Variants in SDCCAG8 observed in about 807,000 individuals in gnomAD.
SDCCAG8 encodes the protein SHH signaling and ciliogenesis regulator SDCCAG8, also known as serologically defined colon cancer antigen 8.
Under a neutral mutation model 101.8 loss-of-function variants are expected in SDCCAG8, and 74 were observed. The ratio of observed to expected loss-of-function variants is 0.73; its 90% CI spans 0.60 to 0.88. The LOEUF is 0.88. SDCCAG8 is among the 40% of genes least tolerant of loss of function. The pLI, the probability that SDCCAG8 is intolerant of heterozygous loss-of-function variation, is 0.00. For missense variants in SDCCAG8, 787 were observed against 822.6 expected (o/e 0.96, Z 0.53); for synonymous variants, 281 against 292.9 (o/e 0.96, Z 0.41).
chr1:243,331,387 A>G (rs1394901548), intron 10 of SDCCAG8, among the ~76,000 whole-genome samples: 1 of 152,124 alleles, frequency 6.6e-6, no homozygotes, highest in African/African-American at 2.4e-5. Flanking sequence ...TTAAAAGTGG[A>G]CTCACAGCTT....
At chr1:243,413,750 C>A (rs1184979536) in intron 13 of SDCCAG8, among the ~76,000 whole-genome samples, 1 of 152,104 alleles carries the variant, frequency 6.6e-6, no homozygotes, top group Non-Finnish European at 1.5e-5. Context: ...CTATCTCTGG[C>A]TCCTGCCCCG....
intron 13 of SDCCAG8, among the ~76,000 whole-genome samples, chr1:243,402,561 C>G (rs1401548616): frequency 6.6e-6 from 1 of 151,846 alleles, no homozygotes; most frequent in African/African-American, 2.4e-5. Context: ...GTCTTCACAC[C>G]CCTTTGTGTA....
At chr1:243,453,290 C>T (rs992384179) in intron 16 of SDCCAG8, among the ~76,000 whole-genome samples, 22 of 152,154 alleles carry the variant, frequency 1.4e-4, no homozygotes, top group Non-Finnish European at 2.6e-4. Flanking sequence ...GTAAATTACA[C>T]TCTTCTTGGT....
chr1:243,498,227 A>ACAAT (rs111264775), intron 17 of SDCCAG8, among the ~76,000 whole-genome samples: 8,792 of 152,208 alleles, frequency 0.058, 829 homozygotes, highest in African/African-American at 0.2. Context: ...CCTGCGTTTG[A>ACAAT]CAATCAGATC....
At chr1:243,373,938 G>A (rs2077447811) in intron 12 of SDCCAG8, among the ~76,000 whole-genome samples, 3 of 152,078 alleles carry the variant, frequency 2.0e-5, no homozygotes, top group Admixed American at 2.0e-4. Context: ...ATAATGGAAA[G>A]TCCAAATCAG....
At chr1:243,392,080 C>A in intron 13 of SDCCAG8, among the ~76,000 whole-genome samples, 1 of 152,212 alleles carries the variant, frequency 6.6e-6, no homozygotes, top group East Asian at 1.9e-4. Flanking sequence ...TGATTTCCTA[C>A]AGACCTTAAC....
Position 243,474,574 on chromosome 1 carries a change from C to T in SDCCAG8, c.1986-14440C>T, listed in dbSNP as rs982852725. Among the ~76,000 whole-genome samples, 3 of 152,210 alleles carry T rather than the reference C, an allele frequency of 2.0e-5. No individual in the cohort carries two copies. Among genetic ancestry groups the T allele is most frequent in the Non-Finnish European group, 4.4e-5 (3 of 68,026 alleles). Reference sequence around the variant, plus strand: ...ACCTGGCCGCCTAGGCCACCCTGCCCGGCGAGGGAGAGGGGTGTCTCCTGC... The same window carrying T: ...ACCTGGCCGCCTAGGCCACCCTGCCTGGCGAGGGAGAGGGGTGTCTCCTGC... On this transcript the variant is annotated intron_variant, in intron 16 of 17. Transcript: ENST00000366541. The surrounding 1 kb of genome is among the most constrained non-coding windows in gnomAD (Gnocchi z 4.7).
At chr1:243,311,194 G>A (rs1177278590) in intron 8 of SDCCAG8, among the ~76,000 whole-genome samples, 2 of 152,164 alleles carry the variant, frequency 1.3e-5, no homozygotes, top group African/African-American at 2.4e-5. Context: ...AACTAAACAT[G>A]GTTTAGATAA....
At chr1:243,421,627 C>T (rs1040409038) in intron 15 of SDCCAG8, among the ~76,000 whole-genome samples, 2 of 152,166 alleles carry the variant, frequency 1.3e-5, no homozygotes, top group African/African-American at 2.4e-5. Flanking sequence ...TGGCACGTCC[C>T]ATTTTAAAAC....
intron 12 of SDCCAG8, among the ~76,000 whole-genome samples, chr1:243,359,364 T>C (rs2076563951): frequency 6.6e-6 from 1 of 152,188 alleles, no homozygotes; most frequent in African/African-American, 2.4e-5. Context: ...TGTACTAAAC[T>C]CCGTGAATGT....
chr1:243,386,884 C>G (rs1337267104), intron 13 of SDCCAG8, among the ~76,000 whole-genome samples: 1 of 152,192 alleles, frequency 6.6e-6, no homozygotes, highest in Non-Finnish European at 1.5e-5. Context: ...CATAGTTTCC[C>G]TTGGCCCATT....
intron 10 of SDCCAG8, among the ~76,000 whole-genome samples, chr1:243,332,439 T>C (rs2074673616): frequency 6.6e-6 from 1 of 152,096 alleles, no homozygotes; most frequent in South Asian, 2.1e-4. Context: ...GGTCTGGAGG[T>C]GACTCACAGT....
chr1:243,481,006 G>A (rs536161811), intron 16 of SDCCAG8, among the ~76,000 whole-genome samples: 2 of 152,080 alleles, frequency 1.3e-5, no homozygotes, highest in Admixed American at 1.3e-4. Flanking sequence ...CCCACTGAGA[G>A]GGTCACAGAG....
chr1:243,485,054 A>AAAG lies in SDCCAG8; in HGVS notation c.1986-3950_1986-3948dup, dbSNP rs1553378504. Among the ~76,000 whole-genome samples, 304 of 149,538 alleles carry AAAG rather than the reference A, an allele frequency of 2.0e-3. 2 individuals are homozygous for AAAG. The highest frequency in any genetic ancestry group is 6.2e-3 in the African/African-American group (250 of 40,004). On this transcript the variant is annotated intron_variant, in intron 16 of 17. Coordinates refer to ENST00000366541, the MANE Select transcript of SDCCAG8 (RefSeq NM_006642.5). ...GCAAGACTCCATCTCAAAAAAAAAA[A>AAAG]AAGAAGAAGAAGCAGAAGAAGAGAG...
intron 16 of SDCCAG8, among the ~76,000 whole-genome samples, chr1:243,469,121 C>G (rs1660720076): frequency 6.6e-6 from 1 of 152,226 alleles, no homozygotes; most frequent in South Asian, 2.1e-4. Context: ...ATTTATCCTT[C>G]TACAAAGCCA....
intron 8 of SDCCAG8, among the ~76,000 whole-genome samples, chr1:243,313,489 AT>A (rs962849748): frequency 4.6e-5 from 7 of 152,178 alleles, no homozygotes; most frequent in Non-Finnish European, 8.8e-5. Flanking sequence ...GTGTAAGTAC[AT>A]GCTTTTCACC....
intron 10 of SDCCAG8, among the ~76,000 whole-genome samples, chr1:243,339,110 C>T (rs936859832): frequency 1.3e-5 from 2 of 148,446 alleles, no homozygotes; most frequent in East Asian, 2.0e-4. Flanking sequence ...GTGGGGTGGG[C>T]GGCAGGAGGG....
At chr1:243,499,470 A>G (rs1668957914) in intron 17 of SDCCAG8, among the ~76,000 whole-genome samples, 1 of 152,148 alleles carries the variant, frequency 6.6e-6, no homozygotes, top group Non-Finnish European at 1.5e-5. Flanking sequence ...CTCTCTGGCC[A>G]TGTCCTAACA....
At chr1:243,411,117 A>T (rs1356358694) in intron 13 of SDCCAG8, among the ~76,000 whole-genome samples, 2 of 151,754 alleles carry the variant, frequency 1.3e-5, no homozygotes, top group Non-Finnish European at 2.9e-5. Context: ...ATTTTTATTT[A>T]TTTTTTTATT....
Sources: gnomAD v4.1 joint callset for allele counts (sites outside exome capture counted in the v4.1 genomes callset) on GRCh38, gnomAD v4.1.1 for gene constraint, Gnocchi (gnomAD v3.1) non-coding constraint, MANE v1.5 for transcripts, NCBI Gene and HGNC (gene_info 2026-07-23, HGNC 2026-07-21) for gene names.